Variants in COLGALT2 observed in about 807,000 individuals in gnomAD.
COLGALT2 encodes collagen beta(1-O)galactosyltransferase 2.
In COLGALT2, 49 loss-of-function variants were observed where a neutral mutation model predicts 73.4. The ratio of observed to expected loss-of-function variants is 0.67; its 90% CI spans 0.53 to 0.85. The LOEUF (loss-of-function observed/expected upper bound fraction) is 0.85, where lower values mean the gene tolerates loss of function less well. Among genes scored for constraint, COLGALT2 ranks in the 40% least tolerant of loss-of-function variants. COLGALT2 has a pLI of 0.00. For synonymous variants in COLGALT2, 295 were observed against 307.6 expected, an observed-to-expected ratio of 0.96 and a Z score of 0.43; for missense variants, 722 against 790.2, an observed-to-expected ratio of 0.91 and a Z score of 1.03.
At chr1:183,995,629 C>T (rs909880807) in intron 1 of COLGALT2, among the ~76,000 whole-genome samples, 2 of 152,008 alleles carry the variant, frequency 1.3e-5, no homozygotes, top group African/African-American at 2.4e-5. Flanking sequence ...TTGCTTCCAG[C>T]GGGTGTGTAT....
At chr1:184,035,029 A>G (rs769396870) in intron 1 of COLGALT2, among the ~76,000 whole-genome samples, 2 of 152,254 alleles carry the variant, frequency 1.3e-5, no homozygotes, top group African/African-American at 4.8e-5. Context: ...AAGAGTCTTC[A>G]ATGACTGACG....
At chr1:184,010,903 TGACA>T (rs1672216876) in intron 1 of COLGALT2, among the ~76,000 whole-genome samples, 1 of 152,166 alleles carries the variant, frequency 6.6e-6, no homozygotes. Flanking sequence ...GGGAGATGGA[TGACA>T]GCCATAGAGT....
At chr1:183,974,796 C>A (rs1671143827) in intron 3 of COLGALT2, among the ~76,000 whole-genome samples, 1 of 152,218 alleles carries the variant, frequency 6.6e-6, no homozygotes. Flanking sequence ...CATTGCTTTA[C>A]CTACAGCCTT....
chr1:184,037,247 G>A lies in COLGALT2; in HGVS notation c.111C>T (p.Asp37=). ...ARFVAERDSE[D]DGEEPVVFPE... ...GGAAAACCACCGGCTCCTCTCCGTC[G>A]TCCTCCGAGTCCCGCTCGGCGACGA... is the stretch of plus-strand genomic sequence containing the variant. Residue 37 remains aspartate, a synonymous_variant, in exon 1 of 12, where the codon GAC becomes GAT. Transcript: ENST00000361927. The A allele has an allele frequency of 1.3e-6, 2 of 1,578,940 alleles. No homozygotes were observed. The highest frequency in any genetic ancestry group is 1.7e-6 in the Non-Finnish European group (2 of 1,164,558).
At chr1:183,975,249 G>A in intron 2 of COLGALT2, 35 bp from the exon 3 acceptor site, 3 of 1,318,890 alleles carry the variant, frequency 2.3e-6, no homozygotes, top group South Asian at 1.2e-5. Context: ...ATTATTGAGT[G>A]CCTACATGTA....
rs1208917663 is a variant in COLGALT2, at chr1:183,940,587, T to C, written c.1598A>G (p.His533Arg). Residue 533 changes from histidine to arginine, a missense_variant, in exon 11 of 12, where the codon CAT (histidine) becomes CGT (arginine). Coordinates refer to ENST00000361927, the MANE Select transcript of COLGALT2 (RefSeq NM_015101.4). The stretch of plus-strand genomic sequence containing the variant: ...GCAGTTCAGGGAGACTCACACGGGA[T>C]GCTTGTTGTACATGACTGGCAGAAA... ...DEFLPVMYNK[H>R]PVAEYKEYYE... 2 of 1,614,186 alleles carry C rather than the reference T, an allele frequency of 1.2e-6. No individual in the cohort carries two copies. Among genetic ancestry groups the C allele is most frequent in the African/African-American group, 2.7e-5 (2 of 75,048 alleles).
At chr1:183,999,672 C>A (rs548787106) in intron 1 of COLGALT2, among the ~76,000 whole-genome samples, 216 of 152,150 alleles carry the variant, frequency 1.4e-3, no homozygotes, top group African/African-American at 4.3e-3. Context: ...CTTCATGAGT[C>A]AGACTGTTAT....
At chr1:183,932,806 C>T (rs1478647266), downstream of COLGALT2, among the ~76,000 whole-genome samples, 1 of 152,140 alleles carries the variant, frequency 6.6e-6, no homozygotes, top group Admixed American at 6.5e-5. Flanking sequence ...CCTGAGAGAT[C>T]GGCCACCACA....
chr1:183,951,609 A>G (rs369708157), intron 7 of COLGALT2, among the ~76,000 whole-genome samples: 28 of 152,324 alleles, frequency 1.8e-4, no homozygotes, highest in African/African-American at 6.0e-4. Context: ...ACTACAAAAA[A>G]ATTTAATAAT....
chr1:183,992,803 C>A (rs896175339), intron 1 of COLGALT2, among the ~76,000 whole-genome samples: 1 of 152,240 alleles, frequency 6.6e-6, no homozygotes, highest in African/African-American at 2.4e-5. Flanking sequence ...CTTCCCCAAC[C>A]TCCCCAAATG....
At chr1:183,955,691 C>T (rs142542532) in intron 6 of COLGALT2, among the ~76,000 whole-genome samples, 2 of 148,174 alleles carry the variant, frequency 1.3e-5, no homozygotes, top group Admixed American at 6.6e-5. Flanking sequence ...TCAAAGTCCT[C>T]GAAGAATGTT....
chr1:183,977,007 A>C (rs1040046809), intron 2 of COLGALT2, among the ~76,000 whole-genome samples: 1 of 152,228 alleles, frequency 6.6e-6, no homozygotes, highest in Admixed American at 6.5e-5. Context: ...TTTTGGTGCT[A>C]AATTCATGGA....
chr1:183,968,108 C>T (rs1231424902), intron 5 of COLGALT2, among the ~76,000 whole-genome samples: 1 of 152,172 alleles, frequency 6.6e-6, no homozygotes, highest in Non-Finnish European at 1.5e-5. Flanking sequence ...CCTCAGCTGC[C>T]GGAGGATCTT....
intron 6 of COLGALT2, 47 bp downstream of exon 6, chr1:183,963,854 T>G: frequency 6.6e-7 from 1 of 1,509,428 alleles, no homozygotes; most frequent in Non-Finnish European, 8.9e-7. Flanking sequence ...GTATGGTCAC[T>G]GTGGCAATGG....
intron 1 of COLGALT2, among the ~76,000 whole-genome samples, chr1:184,006,833 G>A (rs760158534): frequency 1.6e-4 from 24 of 152,030 alleles, no homozygotes; most frequent in Non-Finnish European, 8.8e-5. Flanking sequence ...TTCTAATAAC[G>A]TATTTTCCCT....
intron 1 of COLGALT2, among the ~76,000 whole-genome samples, chr1:184,008,638 G>A (rs781084446): frequency 3.4e-4 from 52 of 152,170 alleles, no homozygotes; most frequent in Non-Finnish European, 7.1e-4. Context: ...GCTAAGGCAG[G>A]AGGATCCCTT....
At chr1:184,036,137 T>C (rs951045204) in intron 1 of COLGALT2, among the ~76,000 whole-genome samples, 4 of 152,160 alleles carry the variant, frequency 2.6e-5, no homozygotes, top group South Asian at 2.1e-4. Flanking sequence ...TCCGAGTACC[T>C]ACCTGACAGC....
chr1:184,002,126 C>A (rs1671944956), intron 1 of COLGALT2, among the ~76,000 whole-genome samples: 1 of 152,250 alleles, frequency 6.6e-6, no homozygotes, highest in Non-Finnish European at 1.5e-5. Context: ...GGGTTGGGAG[C>A]CAGCCCAGTG....
chr1:183,983,703 C>A (rs1671414261), intron 1 of COLGALT2, among the ~76,000 whole-genome samples: 1 of 152,182 alleles, frequency 6.6e-6, no homozygotes, highest in South Asian at 2.1e-4. Context: ...AAGCTGAGAA[C>A]CCAGAATGTG....
Sources: gnomAD v4.1 joint callset for allele counts (sites outside exome capture counted in the v4.1 genomes callset) on GRCh38, gnomAD v4.1.1 for gene constraint, MANE v1.5 for transcripts, NCBI Gene and HGNC (gene_info 2026-07-23, HGNC 2026-07-21) for gene names.